RNF214: variants seen among roughly 807,000 people sequenced by gnomAD.
The protein encoded by RNF214 is ring finger protein 214.
Under a neutral mutation model 75.9 loss-of-function variants are expected in RNF214, and 25 were observed. The observed-to-expected ratio is 0.33, with a 90% CI of 0.24 to 0.46. The LOEUF is 0.46. Ranked by LOEUF, RNF214 falls within the 20% of genes least tolerant of loss-of-function variation. RNF214 has a pLI of 1.00. For missense variants in RNF214, 725 were observed against 857.5 expected, an observed-to-expected ratio of 0.85 and a Z score of 1.93; for synonymous variants, 314 against 308.8, an observed-to-expected ratio of 1.02 and a Z score of -0.18.
chr11:117,247,702 T>G (rs2134370035), intron 6 of RNF214, among the ~76,000 whole-genome samples: 1 of 151,848 alleles, frequency 6.6e-6, no homozygotes, highest in East Asian at 1.9e-4. Flanking sequence ...ATACACAAAA[T>G]TAGCCAGGCG....
chr11:117,237,464 G>T (rs1292510059), intron 2 of RNF214, among the ~76,000 whole-genome samples: 1 of 152,150 alleles, frequency 6.6e-6, no homozygotes, highest in Non-Finnish European at 1.5e-5. Flanking sequence ...ATTGCTAGTT[G>T]GGTATGGTTA....
intron 6 of RNF214, among the ~76,000 whole-genome samples, chr11:117,273,523 G>A (rs1397899728): frequency 2.0e-5 from 3 of 152,194 alleles, no homozygotes; most frequent in Admixed American, 6.5e-5. Context: ...TCAGAGATTA[G>A]GGCCCGAAAA....
rs569263914 is a variant in RNF214 at position 117,239,184 on chromosome 11, A to G, written c.618+73A>G. 116 of 1,450,556 alleles carry G rather than the reference A, an allele frequency of 8.0e-5. No homozygotes were observed. In the African/African-American group the frequency reaches 1.5e-3, roughly 18 times the overall value. 89.9% of individuals were successfully genotyped at this position (1,450,556 alleles called of 1,614,324 possible). A position where few individuals can be genotyped will look rare whatever the true frequency, so the allele number is the denominator to read the frequency against. ...GGTTCAGGGTGGGAGATATTTCTTC[A>G]TATTTGGTGGAGAACTTGCTGGCTT... On this transcript the variant is annotated intron_variant, in intron 3 of 14. Transcript: ENST00000300650.
chr11:117,251,976 C>T (rs984535714), intron 6 of RNF214, among the ~76,000 whole-genome samples: 1 of 152,230 alleles, frequency 6.6e-6, no homozygotes, highest in African/African-American at 2.4e-5. Context: ...TCAAGTGATT[C>T]TCCTGCCTCA....
At chr11:117,235,919 G>C (rs1455486027) in intron 2 of RNF214, among the ~76,000 whole-genome samples, 1 of 151,890 alleles carries the variant, frequency 6.6e-6, no homozygotes, top group African/African-American at 2.4e-5. Flanking sequence ...CCATGAATGT[G>C]GACCACATTC....
chr11:117,257,934 A>T (rs2134386365), intron 6 of RNF214, among the ~76,000 whole-genome samples: 1 of 152,312 alleles, frequency 6.6e-6, no homozygotes, highest in South Asian at 2.1e-4. Context: ...ATATTTTGTT[A>T]TGAAAATTTT....
chr11:117,282,648 G>C (rs766338727), intron 12 of RNF214, 98 bp from the exon 13 acceptor site: 10 of 1,546,294 alleles, frequency 6.5e-6, no homozygotes, highest in African/African-American at 4.1e-5. Context: ...TAGCTAGTCT[G>C]CTTTTTTCCT....
Position 117,236,441 on chromosome 11 carries a change from T to G in RNF214, c.107+2062T>G, listed in dbSNP as rs2032914130. Among the ~76,000 whole-genome samples, 7 of 152,210 alleles carry G rather than the reference T, an allele frequency of 4.6e-5. No homozygotes were observed. In the South Asian group the frequency reaches 1.5e-3, roughly 32 times the overall value. On this transcript the variant is annotated intron_variant, in intron 2 of 14. Coordinates refer to ENST00000300650, the MANE Select transcript of RNF214 (RefSeq NM_207343.4). ...GGCGCCCGCCACCACACCCGGCTAA[T>G]TTTTTGTATTTTAGTAGAGGCAGAG...
chr11:117,261,599 T>G (rs73010439), intron 6 of RNF214, among the ~76,000 whole-genome samples: 18,508 of 152,060 alleles, frequency 0.12, 1,114 homozygotes, highest in Middle Eastern at 0.15. Context: ...ATCAAATGAT[T>G]TTTTTCCTTT....
chr11:117,269,978 G>A (rs1047802108), intron 6 of RNF214, among the ~76,000 whole-genome samples: 1 of 152,278 alleles, frequency 6.6e-6, no homozygotes, highest in South Asian at 2.1e-4. Flanking sequence ...TTACCTGGAC[G>A]TGTTGATGAC....
chr11:117,245,820 CAAAG>C (rs955710286), intron 5 of RNF214, among the ~76,000 whole-genome samples: 70 of 152,198 alleles, frequency 4.6e-4, no homozygotes, highest in Middle Eastern at 3.4e-3. Context: ...ACAACAACAA[CAAAG>C]AAATGCATAC....
intron 4 of RNF214, among the ~76,000 whole-genome samples, chr11:117,240,192 A>G (rs2033032014): frequency 6.6e-6 from 1 of 151,800 alleles, no homozygotes; most frequent in Admixed American, 6.6e-5. Flanking sequence ...ATGTCTACAA[A>G]AAATACAAAA....
At chr11:117,252,560 G>A (rs530043827) in intron 6 of RNF214, among the ~76,000 whole-genome samples, 31 of 151,350 alleles carry the variant, frequency 2.0e-4, no homozygotes, top group African/African-American at 6.3e-4. Context: ...TTGCTTTGTC[G>A]CCCAGGCTGG....
chr11:117,252,197 G>A (rs1277262223), intron 6 of RNF214, among the ~76,000 whole-genome samples: 1 of 152,110 alleles, frequency 6.6e-6, no homozygotes, highest in African/African-American at 2.4e-5. Context: ...TAGATTACTT[G>A]GGCAGTTGGA....
At chr11:117,252,412 T>C (rs2033417375) in intron 6 of RNF214, among the ~76,000 whole-genome samples, 1 of 152,196 alleles carries the variant, frequency 6.6e-6, no homozygotes, top group Admixed American at 6.6e-5. Flanking sequence ...CTTGGAAAAT[T>C]AGGGAAATAA....
chr11:117,247,643 G>C (rs2033261123), intron 6 of RNF214, among the ~76,000 whole-genome samples: 1 of 152,076 alleles, frequency 6.6e-6, no homozygotes, highest in Non-Finnish European at 1.5e-5. Context: ...ACGAGGTCAG[G>C]AGATCGAGAC....
intron 2 of RNF214, 104 bp downstream of exon 2, chr11:117,234,483 G>A: frequency 2.6e-6 from 2 of 761,334 alleles, no homozygotes; most frequent in Non-Finnish European, 2.3e-6. Context: ...CACTGCACTA[G>A]CTTTTTAAAG....
At chr11:117,237,293 C>G (rs1478250658) in intron 2 of RNF214, among the ~76,000 whole-genome samples, 2 of 152,182 alleles carry the variant, frequency 1.3e-5, no homozygotes, top group East Asian at 1.9e-4. Flanking sequence ...GTTTCCCAGG[C>G]TAGTCTTGAA....
chr11:117,268,128 A>G (rs2033835755), intron 6 of RNF214, among the ~76,000 whole-genome samples: 1 of 152,250 alleles, frequency 6.6e-6, no homozygotes, highest in Non-Finnish European at 1.5e-5. Context: ...TTTGTCACAC[A>G]TAGTTTGTCC....
Sources: gnomAD v4.1 joint callset for allele counts (sites outside exome capture counted in the v4.1 genomes callset) on GRCh38, gnomAD v4.1.1 for gene constraint, MANE v1.5 for transcripts, NCBI Gene and HGNC (gene_info 2026-07-23, HGNC 2026-07-21) for gene names.